ZNF385B: variants seen among roughly 807,000 people sequenced by gnomAD.
The protein encoded by ZNF385B is zinc finger protein 385B, also known as zinc finger protein 533.
Under a neutral mutation model 39.2 loss-of-function variants are expected in ZNF385B, and 23 were observed. That is an observed-to-expected ratio of 0.59 (90% CI 0.42 to 0.83). The LOEUF (loss-of-function observed/expected upper bound fraction) is 0.83, where lower values mean the gene tolerates loss of function less well. Ranked by LOEUF, ZNF385B falls within the 40% of genes least tolerant of loss-of-function variation. The probability of loss-of-function intolerance (pLI) is 0.00; values close to 1 mark genes in which losing one functional copy is unlikely to be tolerated. For missense variants in ZNF385B, 552 were observed against 598.9 expected (o/e 0.92, Z 0.82); for synonymous variants, 205 against 222.6 (o/e 0.92, Z 0.70).
chr2:179,816,005 C>G (rs1387417615), intron 1 of ZNF385B, among the ~76,000 whole-genome samples: 1 of 150,494 alleles, frequency 6.6e-6, no homozygotes, highest in Non-Finnish European at 1.5e-5. Context: ...TTACATATAA[C>G]ACACACACAC....
chr2:179,701,176 A>G (rs1177705225), intron 3 of ZNF385B, among the ~76,000 whole-genome samples: 1 of 152,220 alleles, frequency 6.6e-6, no homozygotes, highest in South Asian at 2.1e-4. Context: ...TACACTTTGA[A>G]AGTCTCATAT....
At chr2:179,542,571 A>G (rs542235680) in intron 4 of ZNF385B, among the ~76,000 whole-genome samples, 32 of 152,314 alleles carry the variant, frequency 2.1e-4, no homozygotes, top group Non-Finnish European at 3.2e-4. Flanking sequence ...ATGTTAGTGC[A>G]TCTGTACCCT....
intron 3 of ZNF385B, among the ~76,000 whole-genome samples, chr2:179,695,570 A>G (rs1698676756): frequency 1.3e-5 from 2 of 152,238 alleles, no homozygotes; most frequent in African/African-American, 4.8e-5. Flanking sequence ...AGGAAGATAT[A>G]TAAAAGGCCA....
intron 3 of ZNF385B, among the ~76,000 whole-genome samples, chr2:179,664,401 A>G (rs1038301922): frequency 1.3e-5 from 2 of 152,202 alleles, no homozygotes; most frequent in Admixed American, 1.3e-4. Flanking sequence ...ATTGTAGCCG[A>G]ATAGTTTTTC....
intron 3 of ZNF385B, among the ~76,000 whole-genome samples, chr2:179,614,733 C>T (rs868516437): frequency 2.0e-5 from 3 of 152,052 alleles, no homozygotes; most frequent in Admixed American, 6.6e-5. Flanking sequence ...CTTGGTCTTC[C>T]GTCAGGGGCT....
intron 3 of ZNF385B, among the ~76,000 whole-genome samples, chr2:179,576,882 T>G: frequency 6.6e-6 from 1 of 152,154 alleles, no homozygotes; most frequent in Non-Finnish European, 1.5e-5. Flanking sequence ...TTGATCATCT[T>G]GTTCCAGGAA....
intron 3 of ZNF385B, among the ~76,000 whole-genome samples, chr2:179,638,383 T>C (rs1691952912): frequency 6.6e-6 from 1 of 152,226 alleles, no homozygotes. Flanking sequence ...ATTTTAAGAA[T>C]TTTCGAATCT....
At chr2:179,609,707 A>G (rs1581175) in intron 3 of ZNF385B, among the ~76,000 whole-genome samples, 50,378 of 152,110 alleles carry the variant, frequency 0.33, 8,689 homozygotes, top group Middle Eastern at 0.46. Context: ...GTGTACAAAG[A>G]GTCGCTTCTC....
intron 1 of ZNF385B, among the ~76,000 whole-genome samples, chr2:179,833,398 C>G (rs948978280): frequency 6.6e-6 from 1 of 152,084 alleles, no homozygotes; most frequent in African/African-American, 2.4e-5. Flanking sequence ...AAAACGTATA[C>G]ACAGTATTCT....
chr2:179,637,674 G>C (rs1030235069), intron 3 of ZNF385B, among the ~76,000 whole-genome samples: 4 of 141,106 alleles, frequency 2.8e-5, no homozygotes, highest in Admixed American at 7.0e-5. Context: ...GGACAAGGCA[G>C]TGAAAGGATA....
intron 3 of ZNF385B, among the ~76,000 whole-genome samples, chr2:179,748,980 A>G (rs1702526830): frequency 6.6e-6 from 1 of 152,106 alleles, no homozygotes; most frequent in African/African-American, 2.4e-5. Flanking sequence ...GGCTCTTAGT[A>G]TCTAGAACAC....
intron 3 of ZNF385B, among the ~76,000 whole-genome samples, chr2:179,613,368 G>GT (rs2106139594): frequency 6.6e-6 from 1 of 152,198 alleles, no homozygotes; most frequent in South Asian, 2.1e-4. Context: ...ACATCTTTGA[G>GT]TCTCACCCAA....
At chr2:179,672,771 G>A (rs1382918701) in intron 3 of ZNF385B, among the ~76,000 whole-genome samples, 1 of 152,162 alleles carries the variant, frequency 6.6e-6, no homozygotes, top group African/African-American at 2.4e-5. Flanking sequence ...CTAGCCCCTT[G>A]ATCTTGGAAT....
chr2:179,538,719 A>T (rs2105888150), intron 4 of ZNF385B, among the ~76,000 whole-genome samples: 1 of 152,324 alleles, frequency 6.6e-6, no homozygotes, highest in Admixed American at 6.5e-5. Context: ...TCAGGAAAAA[A>T]ATAATTTCAA....
intron 1 of ZNF385B, among the ~76,000 whole-genome samples, chr2:179,836,674 G>A (rs1481350407): frequency 2.7e-5 from 4 of 150,770 alleles, no homozygotes; most frequent in African/African-American, 4.9e-5. Context: ...GCCCGCCACC[G>A]TGCCCGGCTA....
chr2:179,798,319 A>G (rs759300250), intron 1 of ZNF385B, among the ~76,000 whole-genome samples: 5 of 152,026 alleles, frequency 3.3e-5, no homozygotes, highest in Admixed American at 6.6e-5. Context: ...CCCATTCCTC[A>G]GAGTGGGACA....
chr2:179,761,655 T>C (rs1385313249), intron 3 of ZNF385B, among the ~76,000 whole-genome samples: 1 of 151,848 alleles, frequency 6.6e-6, no homozygotes, highest in East Asian at 1.9e-4. Context: ...TGCAGCTCAC[T>C]GCAGCCTCGA....
chr2:179,803,092 G>A (rs1181154279), intron 1 of ZNF385B, among the ~76,000 whole-genome samples: 1 of 152,154 alleles, frequency 6.6e-6, no homozygotes, highest in Non-Finnish European at 1.5e-5. Flanking sequence ...ATGTTACGAT[G>A]AAGAAACTGA....
At chr2:179,692,793 T>C (rs1234871564) in intron 3 of ZNF385B, among the ~76,000 whole-genome samples, 3 of 152,178 alleles carry the variant, frequency 2.0e-5, no homozygotes, top group African/African-American at 7.2e-5. Context: ...CTCATCACTC[T>C]TCCATGGTTA....
Sources: allele counts gnomAD v4.1 joint callset (sites outside exome capture counted in the v4.1 genomes callset), GRCh38; gene constraint gnomAD v4.1.1; transcripts MANE v1.5; gene names NCBI Gene and HGNC (gene_info 2026-07-23, HGNC 2026-07-21).